HBB: variants seen among roughly 807,000 people sequenced by gnomAD.
The protein encoded by HBB is hemoglobin subunit beta, also known as Hb Monza protein.
In HBB, 18 loss-of-function variants were observed where a neutral mutation model predicts 9.7. The observed-to-expected ratio is 1.86, with a 90% CI of 1.28 to 2.76. The LOEUF (loss-of-function observed/expected upper bound fraction) is 2.76, where lower values mean the gene tolerates loss of function less well. HBB is among the 30% of genes most tolerant of loss of function. HBB has a pLI of 0.00. For synonymous variants in HBB, 99 were observed against 73.6 expected (o/e 1.35, Z -1.77); for missense variants, 156 against 177.0 (o/e 0.88, Z 0.67).
Position 5,226,289 on chromosome 11 carries a change from T to G in HBB, c.315+288A>C. On this transcript the variant is annotated intron_variant, in intron 2 of 2. Transcript: ENST00000335295. Reference sequence around the variant, plus strand: ...TAAAGTTTTTTTTTAAGTTACTTAATGTATCTCAGAGATATTTCCTTTTGT... The same window carrying G: ...TAAAGTTTTTTTTTAAGTTACTTAAGGTATCTCAGAGATATTTCCTTTTGT... 1.8e-6 allele frequency: 1 copy of G among 558,676 alleles called. No individual in the cohort carries two copies. The highest frequency in any genetic ancestry group is 3.2e-6 in the Non-Finnish European group (1 of 316,724). 34.6% of individuals were successfully genotyped at this position (558,676 alleles called of 1,614,324 possible).
chr11:5,226,886 T>C, intron 1 of HBB, 44 bp downstream of exon 1: 1 of 1,592,664 alleles, frequency 6.3e-7, no homozygotes, highest in Non-Finnish European at 8.6e-7. Flanking sequence ...CATGCCCAGT[T>C]TCTATTGGTC....
At position 5,226,769 on chromosome 11, in the gene HBB, C is replaced by T; in HGVS notation, c.123G>A (p.Arg41=). Reference sequence around the variant, plus strand: ...ACAGATCCCCAAAGGACTCAAAGAACCTCTGGGTCCAAGGGTAGACCACCA... The same window carrying T: ...ACAGATCCCCAAAGGACTCAAAGAATCTCTGGGTCCAAGGGTAGACCACCA... ...RLLVVYPWTQ[R]FFESFGDLST... Residue 41 remains arginine (R), a synonymous_variant, in exon 2 of 3, where the codon AGG becomes AGA. Transcript: ENST00000335295. 1 of 1,614,116 alleles carries T rather than the reference C, an allele frequency of 6.2e-7. No homozygotes were observed. Among genetic ancestry groups the T allele is most frequent in the Non-Finnish European group, 8.5e-7 (1 of 1,180,008 alleles).
rs1847544982 is a variant in HBB, at chr11:5,226,342, A to C, written c.315+235T>G. On this transcript the variant is annotated intron_variant, in intron 2 of 2. Transcript: ENST00000335295. ...TACACAATGTTAAGGCATTAAGTAT[A>C]ATAGTAAAAATTGCGGAGAAGAAAA... is the stretch of plus-strand genomic sequence containing the variant. 3.3e-6 allele frequency: 2 copies of C among 604,572 alleles called. No homozygotes were observed. The highest frequency in any genetic ancestry group is 1.9e-5 in the African/African-American group (1 of 53,940). 37.5% of individuals were successfully genotyped at this position (604,572 alleles called of 1,614,324 possible). A position where few individuals can be genotyped will look rare whatever the true frequency, so the allele number is the denominator to read the frequency against.
chr11:5,225,773 TA>T lies in HBB; in HGVS notation c.316-48del. On this transcript the variant is annotated intron_variant, in intron 2 of 2. Coordinates refer to ENST00000335295, the MANE Select transcript of HBB (RefSeq NM_000518.5). ...TATGAACATGATTAGCAAAAGGGCC[TA>T]GCTTGGACTCAGAATAATCCAGCCT... 1 of 1,589,650 alleles carries T rather than the reference TA, an allele frequency of 6.3e-7. No homozygotes were observed. Among genetic ancestry groups the T allele is most frequent in the Non-Finnish European group, 8.6e-7 (1 of 1,157,922 alleles).
rs35703285 is a variant in HBB at position 5,225,740 on chromosome 11, A to C, written c.316-14T>G. ...GTTGCCCAGGAGCTGTGGGAGGAAG[A>C]TAAGAGGTATGAACATGATTAGCAA... On this transcript the variant is annotated splice_polypyrimidine_tract_variant and intron_variant, in intron 2 of 2. Coordinates refer to ENST00000335295, the MANE Select transcript of HBB (RefSeq NM_000518.5). 4.3e-6 allele frequency: 7 copies of C among 1,613,852 alleles called. No individual in the cohort carries two copies. In the South Asian group the frequency reaches 5.5e-5, roughly 13 times the overall value.
chr11:5,226,008 G>C lies in HBB; in HGVS notation c.316-282C>G, dbSNP rs1167487432. Among the ~76,000 whole-genome samples the C allele has an allele frequency of 6.6e-6, 1 of 152,046 alleles. No homozygotes were observed. Among genetic ancestry groups the C allele is most frequent in the African/African-American group, 2.4e-5 (1 of 41,376 alleles). ...TGTATCATTATTGCCCTGAAAGAAA[G>C]AGATTAGGGAAAGTATTAGAAATAA... On this transcript the variant is annotated intron_variant, in intron 2 of 2. Transcript: ENST00000335295.
chr11:5,226,989 G>C lies in HBB; in HGVS notation c.33C>G (p.Ala11=). 2 of 1,613,032 alleles carry C rather than the reference G, an allele frequency of 1.2e-6. No homozygotes were observed. The change falls in exon 1 of 3, where the codon GCC becomes GCG. Residue 11 remains alanine, a synonymous_variant. Coordinates refer to ENST00000335295, the MANE Select transcript of HBB (RefSeq NM_000518.5). MVHLTPEEKS[A]VTALWGKVNV... The stretch of plus-strand genomic sequence containing the variant: ...TCACCTTGCCCCACAGGGCAGTAAC[G>C]GCAGACTTCTCCTCAGGAGTCAGAT...
Position 5,225,610 on chromosome 11 carries a change from G to A in HBB, c.432C>T (p.His144=), listed in dbSNP as rs36020563. Residue 144 remains histidine, a synonymous_variant, in exon 3 of 3, where the codon CAC becomes CAT. Coordinates refer to ENST00000335295, the MANE Select transcript of HBB (RefSeq NM_000518.5). The part of the protein sequence containing the change: ...VVAGVANALA[H]KYH ...CAAGAAAGCGAGCTTAGTGATACTT[G>A]TGGGCCAGGGCATTAGCCACACCAG... 2.9e-4 allele frequency: 465 copies of A among 1,614,142 alleles called. 1 individual carries two copies. In the African/African-American group the frequency reaches 4.8e-3, roughly 17 times the overall value.
At position 5,225,750 on chromosome 11, in the gene HBB, T is replaced by G. The variant is rs990408905; in HGVS notation, c.316-24A>C. The G allele has an allele frequency of 1.2e-6, 2 of 1,613,400 alleles. No individual in the cohort carries two copies. The highest frequency in any genetic ancestry group is 1.7e-6 in the Non-Finnish European group (2 of 1,179,514). On this transcript the variant is annotated intron_variant, in intron 2 of 2. Coordinates refer to ENST00000335295, the MANE Select transcript of HBB (RefSeq NM_000518.5). The stretch of plus-strand genomic sequence containing the variant: ...AGCTGTGGGAGGAAGATAAGAGGTA[T>G]GAACATGATTAGCAAAAGGGCCTAG...
rs334 is a variant in HBB, at chr11:5,227,002, T to A, written c.20A>T (p.Glu7Val). The change falls in exon 1 of 3, where the codon GAG (glutamate) becomes GTG (valine). Residue 7 changes from glutamate (E) to valine (V), a missense_variant. Transcript: ENST00000335295. MVHLTP[E>V]EKSAVTALWG... ...CAGGGCAGTAACGGCAGACTTCTCCTCAGGAGTCAGATGCACCATGGTGTC... is the reference window on the plus strand; with the variant it reads ...CAGGGCAGTAACGGCAGACTTCTCCACAGGAGTCAGATGCACCATGGTGTC... The A allele has an allele frequency of 2.7e-3, 4,272 of 1,610,650 alleles. 40 individuals are homozygous for A. In the African/African-American group the frequency reaches 0.049, roughly 19 times the overall value.
rs7946748 is a variant in HBB, at chr11:5,226,496, G to A, written c.315+81C>T. The A allele has an allele frequency of 0.12, 146,994 of 1,277,896 alleles. 9,166 individuals carry two copies. Among genetic ancestry groups the A allele is most frequent in the South Asian group, 0.17 (14,555 of 83,544 alleles). The allele number at this position is 1,277,896 out of a possible 1,614,324, so 79.2% of individuals were successfully genotyped here. A position where few individuals can be genotyped will look rare whatever the true frequency, so the allele number is the denominator to read the frequency against. On this transcript the variant is annotated intron_variant, in intron 2 of 2. Transcript: ENST00000335295. ...TGTTTCCCATTCTAAACTGTACCCT[G>A]TTACTTATCCCCTTCCTATGACATG...
chr11:5,226,404 G>C lies in HBB; in HGVS notation c.315+173C>G, dbSNP rs1847546498. On this transcript the variant is annotated intron_variant, in intron 2 of 2. Coordinates refer to ENST00000335295, the MANE Select transcript of HBB (RefSeq NM_000518.5). ...AAGAATTAAACAAAAGAAAACAATTGTTATGAACAGCAAATAAAAGAAACT... is the reference window on the plus strand; with the variant it reads ...AAGAATTAAACAAAAGAAAACAATTCTTATGAACAGCAAATAAAAGAAACT... 1.5e-5 allele frequency: 10 copies of C among 665,740 alleles called. No individual in the cohort carries two copies. In the South Asian group the frequency reaches 1.7e-4, roughly 11 times the overall value. The allele number at this position is 665,740 out of a possible 1,614,324, so 41.2% of individuals were successfully genotyped here.
rs543925348 is a variant in HBB at position 5,226,468 on chromosome 11, G to T, written c.315+109C>A. ...GACTTCCACACTGATGCAATCATTC[G>T]TCTGTTTCCCATTCTAAACTGTACC... is the stretch of plus-strand genomic sequence containing the variant. On this transcript the variant is annotated intron_variant, in intron 2 of 2. Transcript: ENST00000335295. 2 of 969,682 alleles carry T rather than the reference G, an allele frequency of 2.1e-6. No individual in the cohort carries two copies. The highest frequency in any genetic ancestry group is 3.3e-6 in the Non-Finnish European group (2 of 606,320). 60.1% of individuals were successfully genotyped at this position (969,682 alleles called of 1,614,324 possible). A position where few individuals can be genotyped will look rare whatever the true frequency, so the allele number is the denominator to read the frequency against.
rs962266675 is a variant in HBB, at chr11:5,226,873, C to A, written c.92+57G>T. 5.7e-6 allele frequency: 9 copies of A among 1,590,266 alleles called. No individual in the cohort carries two copies. Among genetic ancestry groups the A allele is most frequent in the South Asian group, 2.2e-5 (2 of 90,648 alleles). ...AGAAACCCAAGAGTCTTCTCTGTCTCCACATGCCCAGTTTCTATTGGTCTC... is the reference window on the plus strand; with the variant it reads ...AGAAACCCAAGAGTCTTCTCTGTCTACACATGCCCAGTTTCTATTGGTCTC... On this transcript the variant is annotated intron_variant, in intron 1 of 2. Coordinates refer to ENST00000335295, the MANE Select transcript of HBB (RefSeq NM_000518.5).
At position 5,226,891 on chromosome 11, in the gene HBB, T is replaced by C. The variant is rs372716225; in HGVS notation, c.92+39A>G. On this transcript the variant is annotated intron_variant, in intron 1 of 2. Coordinates refer to ENST00000335295, the MANE Select transcript of HBB (RefSeq NM_000518.5). ...TCTGTCTCCACATGCCCAGTTTCTA[T>C]TGGTCTCCTTAAACCTGTCTTGTAA... 58 of 1,594,788 alleles carry C rather than the reference T, an allele frequency of 3.6e-5. No homozygotes were observed. Among genetic ancestry groups the C allele is most frequent in the East Asian group, 1.8e-4 (8 of 44,804 alleles).
rs1020110937 is a variant in HBB at position 5,226,268 on chromosome 11, GTTT to G, written c.315+306_315+308del. 5.7e-6 allele frequency: 3 copies of G among 525,242 alleles called. No homozygotes were observed. The highest frequency in any genetic ancestry group is 1.9e-5 in the African/African-American group (1 of 51,980). 32.5% of individuals were successfully genotyped at this position (525,242 alleles called of 1,614,324 possible). On this transcript the variant is annotated intron_variant, in intron 2 of 2. Coordinates refer to ENST00000335295, the MANE Select transcript of HBB (RefSeq NM_000518.5). Reference sequence around the variant, plus strand: ...TAATGTACTAGGCAGACTGTGTAAAGTTTTTTTTTAAGTTACTTAATGTATCTC... The same window carrying G: ...TAATGTACTAGGCAGACTGTGTAAAGTTTTTTAAGTTACTTAATGTATCTC...
Position 5,225,853 on chromosome 11 carries a change from G to A in HBB, c.316-127C>T. 1 of 904,510 alleles carries A rather than the reference G, an allele frequency of 1.1e-6. No homozygotes were observed. The highest frequency in any genetic ancestry group is 1.8e-6 in the Non-Finnish European group (1 of 553,380). The allele number at this position is 904,510 out of a possible 1,614,324, so 56.0% of individuals were successfully genotyped here. A position where few individuals can be genotyped will look rare whatever the true frequency, so the allele number is the denominator to read the frequency against. ...GGTAGCTGGATTGTAGCTGCTATTAGCAATATGAAACCTCTTACATCAGTT... is the reference window on the plus strand; with the variant it reads ...GGTAGCTGGATTGTAGCTGCTATTAACAATATGAAACCTCTTACATCAGTT... On this transcript the variant is annotated intron_variant, in intron 2 of 2. Coordinates refer to ENST00000335295, the MANE Select transcript of HBB (RefSeq NM_000518.5).
At position 5,227,029 on chromosome 11, in the gene HBB, G is replaced by A. The variant is rs1319747765; in HGVS notation, c.-8C>T. The A allele has an allele frequency of 1.9e-6, 3 of 1,566,282 alleles. No homozygotes were observed. In the South Asian group the frequency reaches 3.3e-5, roughly 17 times the overall value. On this transcript the variant is annotated 5_prime_UTR_variant, in exon 1 of 3. Transcript: ENST00000335295. ...AGGAGTCAGATGCACCATGGTGTCT[G>A]TTTGAGGTTGCTAGTGAACACAGTT...
In HBB at chr11:5,227,002, T is replaced by G. The variant is rs334; in HGVS notation, c.20A>C (p.Glu7Ala). 1 of 1,610,694 alleles carries G rather than the reference T, an allele frequency of 6.2e-7. No individual in the cohort carries two copies. The highest frequency in any genetic ancestry group is 8.5e-7 in the Non-Finnish European group (1 of 1,176,872). ...CAGGGCAGTAACGGCAGACTTCTCC[T>G]CAGGAGTCAGATGCACCATGGTGTC... Reference protein sequence around the residue: MVHLTPEEKSAVTALWG... With the variant: MVHLTPAEKSAVTALWG... The change falls in exon 1 of 3, where the codon GAG (glutamate) becomes GCG (alanine). Residue 7 changes from glutamate to alanine, a missense_variant. Physicochemically the swap from Glu to Ala is moderately radical, Grantham distance 107. Coordinates refer to ENST00000335295, the MANE Select transcript of HBB (RefSeq NM_000518.5).
Sources: gnomAD v4.1 joint callset for allele counts (sites outside exome capture counted in the v4.1 genomes callset) on GRCh38, gnomAD v4.1.1 for gene constraint, MANE v1.5 for transcripts, NCBI Gene and HGNC (gene_info 2026-07-23, HGNC 2026-07-21) for gene names.